The following IPO11 variants were observed in gnomAD, a reference collection of about 807,000 sequenced individuals.
IPO11 encodes importin-11.
In IPO11, 66 loss-of-function variants were observed where a neutral mutation model predicts 143.2. The observed-to-expected ratio is 0.46, with a 90% CI of 0.38 to 0.57. The LOEUF is 0.57. Among genes scored for constraint, IPO11 ranks in the 20% least tolerant of loss-of-function variants. The probability of loss-of-function intolerance (pLI) is 0.00; values close to 1 mark genes in which losing one functional copy is unlikely to be tolerated. For missense variants in IPO11, 1,026 were observed against 1,141.0 expected (o/e 0.90, Z 1.45); for synonymous variants, 385 against 377.8 (o/e 1.02, Z -0.22).
intron 27 of IPO11, among the ~76,000 whole-genome samples, chr5:62,583,385 T>C (rs1221974667): frequency 2.0e-5 from 3 of 152,196 alleles, no homozygotes; most frequent in African/African-American, 7.2e-5. Context: ...GGAAAATTTA[T>C]ATAACAAAGT....
chr5:62,580,111 G>GAAGTACTTAAAAGTCTT (rs1383155448), intron 27 of IPO11: 34 of 1,550,760 alleles, frequency 2.2e-5, no homozygotes, highest in Non-Finnish European at 3.0e-5. Context: ...AAATGCCTTT[G>GAAGTACTTAAAAGTCTT]AAGTACTTAA....
chr5:62,484,894 GT>G (rs530509512), intron 11 of IPO11, among the ~76,000 whole-genome samples: 125 of 134,586 alleles, frequency 9.3e-4, no homozygotes, highest in East Asian at 1.1e-3. Flanking sequence ...GTCTTTTCTT[GT>G]TTTTTTTTTT....
In IPO11 at chr5:62,476,457, A is replaced by G. The variant is rs567999141; in HGVS notation, c.758-226A>G. Among the ~76,000 whole-genome samples, 12 of 152,318 alleles carry G rather than the reference A, an allele frequency of 7.9e-5. No homozygotes were observed. The East Asian group carries it at 1.9e-3, about 24-fold the overall frequency. The stretch of plus-strand genomic sequence containing the variant: ...TTGCTAAAACGACTATTCTTTTACT[A>G]TAAAAGTGAGTTCAGTTCATATATT... On this transcript the variant is annotated intron_variant, in intron 8 of 29. Transcript: ENST00000325324.
chr5:62,492,881 T>A (rs994324247), intron 15 of IPO11, among the ~76,000 whole-genome samples: 1 of 152,124 alleles, frequency 6.6e-6, no homozygotes, highest in South Asian at 2.1e-4. Context: ...GTGTGCTTGA[T>A]CATCTTTTAA....
rs573632969 is a variant in IPO11 at position 62,587,362 on chromosome 5, A to T, written c.2583-4215A>T. Among the ~76,000 whole-genome samples the T allele has an allele frequency of 4.6e-5, 7 of 152,230 alleles. No individual in the cohort carries two copies. In the East Asian group the frequency reaches 1.4e-3, roughly 29 times the overall value. ...CTTGCCAGTATTTTTCAGGGGAGCT[A>T]GATTTATTAATATACTTTTCCATGA... is the stretch of plus-strand genomic sequence containing the variant. On this transcript the variant is annotated intron_variant, in intron 27 of 29. Transcript: ENST00000325324.
chr5:62,570,040 C>A (rs32155), intron 27 of IPO11, among the ~76,000 whole-genome samples: 108,367 of 152,026 alleles, frequency 0.71, 39,354 homozygotes, highest in African/African-American at 0.85. Flanking sequence ...GCATAATTTG[C>A]GTAACATACC....
chr5:62,621,182 T>C (rs573549818), intron 29 of IPO11, among the ~76,000 whole-genome samples: 111 of 152,280 alleles, frequency 7.3e-4, no homozygotes, highest in Non-Finnish European at 1.2e-3. Flanking sequence ...AGAGAGTCTA[T>C]GTAAGTTTTA....
chr5:62,499,569 C>CG lies in IPO11; in HGVS notation c.1591-5098_1591-5097insG, dbSNP rs773008330. ...ATAAATTAACCACATCTTACTCTAA[C>CG]TTTTTTTTTTTTTTTTTTTTTTTTG... On this transcript the variant is annotated intron_variant, in intron 16 of 29. Coordinates refer to ENST00000325324, the MANE Select transcript of IPO11 (RefSeq NM_016338.5). 1.3e-3 allele frequency among the ~76,000 whole-genome samples: 130 copies of CG among 100,090 alleles called. 1 individual carries two copies. Among genetic ancestry groups the CG allele is most frequent in the African/African-American group, 4.8e-3 (127 of 26,392 alleles). 65.7% of individuals were successfully genotyped at this position (100,090 alleles called of 152,430 possible).
intron 27 of IPO11, among the ~76,000 whole-genome samples, chr5:62,585,506 T>A (rs1299850261): frequency 6.6e-6 from 1 of 152,134 alleles, no homozygotes; most frequent in African/African-American, 2.4e-5. Flanking sequence ...GAGAACAATG[T>A]GAGGCTAGGT....
At chr5:62,620,400 T>A (rs1056521969) in intron 29 of IPO11, among the ~76,000 whole-genome samples, 2 of 151,510 alleles carry the variant, frequency 1.3e-5, no homozygotes, top group African/African-American at 2.4e-5. Context: ...GTGCCTGTAG[T>A]CCCAGCTACT....
chr5:62,552,349 A>G (rs1743415806), intron 26 of IPO11, among the ~76,000 whole-genome samples: 1 of 152,114 alleles, frequency 6.6e-6, no homozygotes, highest in South Asian at 2.1e-4. Flanking sequence ...TTTAAAATAT[A>G]TGTAGCTTTT....
chr5:62,443,841 T>C (rs951429499), intron 3 of IPO11, among the ~76,000 whole-genome samples: 3 of 152,316 alleles, frequency 2.0e-5, no homozygotes, highest in South Asian at 2.1e-4. Context: ...TGCAAAATCA[T>C]TGTAGACATG....
rs111460117 is a variant in IPO11 at position 62,556,755 on chromosome 5, C to T, written c.2461-4381C>T. Among the ~76,000 whole-genome samples, 595 of 152,184 alleles carry T rather than the reference C, an allele frequency of 3.9e-3. 3 individuals are homozygous for T. Among genetic ancestry groups the T allele is most frequent in the Middle Eastern group, 6.8e-3 (2 of 294 alleles). On this transcript the variant is annotated intron_variant, in intron 26 of 29. Coordinates refer to ENST00000325324, the MANE Select transcript of IPO11 (RefSeq NM_016338.5). ...TGAAGTTTCAGTGATTTGGATATCA[C>T]TTCCAAAACAACCTACTTTTTATTA...
Position 62,515,819 on chromosome 5 carries a change from A to T in IPO11, c.1896+318A>T, listed in dbSNP as rs572156244. On this transcript the variant is annotated intron_variant, in intron 20 of 29. Coordinates refer to ENST00000325324, the MANE Select transcript of IPO11 (RefSeq NM_016338.5). The stretch of plus-strand genomic sequence containing the variant: ...GGTCGGGGCTTTTCTGCTTAAACAT[A>T]CTTAATGTTTTCACTCTTTTTCCTT... Among the ~76,000 whole-genome samples the T allele has an allele frequency of 2.0e-5, 3 of 152,302 alleles. No homozygotes were observed. The South Asian group carries it at 6.2e-4, about 32-fold the overall frequency.
intron 27 of IPO11, among the ~76,000 whole-genome samples, chr5:62,590,838 C>T (rs1744983331): frequency 6.6e-6 from 1 of 152,038 alleles, no homozygotes; most frequent in African/African-American, 2.4e-5. Flanking sequence ...TTTTGAGCAT[C>T]CTTTTAGGAT....
At chr5:62,460,365 A>G (rs1745312558) in intron 5 of IPO11, among the ~76,000 whole-genome samples, 1 of 152,166 alleles carries the variant, frequency 6.6e-6, no homozygotes, top group African/African-American at 2.4e-5. Flanking sequence ...GTTGTCTTGT[A>G]GGATGCTCTG....
intron 29 of IPO11, among the ~76,000 whole-genome samples, chr5:62,612,415 A>G (rs767986219): frequency 4.1e-4 from 63 of 152,192 alleles, no homozygotes; most frequent in Non-Finnish European, 9.0e-4. Flanking sequence ...AGGCTGTTAA[A>G]TACTACTCCA....
At chr5:62,575,775 CTG>C (rs1423185758) in intron 27 of IPO11, among the ~76,000 whole-genome samples, 5 of 152,186 alleles carry the variant, frequency 3.3e-5, no homozygotes, top group Admixed American at 2.6e-4. Flanking sequence ...GATTTCCCCA[CTG>C]TGTATAGTTA....
rs1457261767 is a variant in IPO11 at position 62,484,085 on chromosome 5, G to C, written c.1097G>C (p.Cys366Ser). 1 of 1,609,612 alleles carries C rather than the reference G, an allele frequency of 6.2e-7. No homozygotes were observed. Among genetic ancestry groups the C allele is most frequent in the Non-Finnish European group, 8.5e-7 (1 of 1,177,572 alleles). The change falls in exon 11 of 30, where the codon TGT becomes TCT. Residue 366 changes from cysteine to serine, a missense_variant. This residue lies in a region of IPO11 where 429 missense variants were observed against 456.3 expected (regional missense o/e 0.94). Transcript: ENST00000325324. ...ACATATCCTACTTTGACAGAGATAT[G>C]TAGAAGATTAGTCTCTCATTATTTC... The part of the protein sequence containing the change: ...FFTYPTLTEI[C>S]RRLVSHYFLL...
Sources: allele counts gnomAD v4.1 joint callset (sites outside exome capture counted in the v4.1 genomes callset), GRCh38; gene constraint gnomAD v4.1.1; regional missense constraint gnomAD v4.1.1; transcripts MANE v1.5; gene names NCBI Gene and HGNC (gene_info 2026-07-23, HGNC 2026-07-21).